NKAIN3: variants seen among roughly 807,000 people sequenced by gnomAD.
NKAIN3 encodes sodium/potassium transporting ATPase interacting 3.
A neutral mutation model predicts 30.2 loss-of-function variants in NKAIN3; 25 were observed. The ratio of observed to expected loss-of-function variants is 0.83; its 90% CI spans 0.60 to 1.16. The LOEUF (loss-of-function observed/expected upper bound fraction) is 1.16, where lower values mean the gene tolerates loss of function less well. Among genes scored for constraint, NKAIN3 ranks in the 50% most tolerant of loss-of-function variants. NKAIN3 has a pLI of 0.00. For missense variants in NKAIN3, 225 were observed against 254.1 expected (o/e 0.89, Z 0.78); for synonymous variants, 91 against 89.6 (o/e 1.02, Z -0.09).
At chr8:62,667,028 G>A (rs1813125506) in intron 3 of NKAIN3, among the ~76,000 whole-genome samples, 1 of 151,336 alleles carries the variant, frequency 6.6e-6, no homozygotes, top group Non-Finnish European at 1.5e-5. Flanking sequence ...AGTAAGTAAA[G>A]AATAAAGTAT....
At chr8:62,627,812 G>T (rs764575954) in intron 3 of NKAIN3, among the ~76,000 whole-genome samples, 1 of 152,082 alleles carries the variant, frequency 6.6e-6, no homozygotes, top group Non-Finnish European at 1.5e-5. Context: ...AGGCAGCAGG[G>T]TACTGGAGAC....
At chr8:62,825,207 CT>C (rs1215787117) in intron 4 of NKAIN3, among the ~76,000 whole-genome samples, 1 of 152,158 alleles carries the variant, frequency 6.6e-6, no homozygotes, top group East Asian at 1.9e-4. Flanking sequence ...AGAAAGTAGA[CT>C]TTTTTCACCA....
rs546006775 is a variant in NKAIN3 at position 62,429,986 on chromosome 8, C to G, written c.55-149553C>G. ...AAACTGAAACAGTATACCCATTGAA[C>G]ATTAACTTTCCATTCTCCCAACCTT... On this transcript the variant is annotated intron_variant, in intron 1 of 6. Coordinates refer to ENST00000623646, the MANE Select transcript of NKAIN3 (RefSeq NM_001304533.3). Among the ~76,000 whole-genome samples, 234 of 151,948 alleles carry G rather than the reference C, an allele frequency of 1.5e-3. 1 individual carries two copies. Among genetic ancestry groups the G allele is most frequent in the African/African-American group, 5.4e-3 (223 of 41,526 alleles).
chr8:62,270,817 G>A (rs1324940520), intron 1 of NKAIN3, among the ~76,000 whole-genome samples: 1 of 152,142 alleles, frequency 6.6e-6, no homozygotes, highest in East Asian at 1.9e-4. Context: ...TGTGGCATTT[G>A]CGTTTCTGTG....
intron 3 of NKAIN3, among the ~76,000 whole-genome samples, chr8:62,673,309 TTTA>T (rs1441278664): frequency 6.6e-6 from 1 of 152,246 alleles, no homozygotes; most frequent in Non-Finnish European, 1.5e-5. Context: ...ATTAATTTAG[TTTA>T]TTTTTTCTAT....
intron 4 of NKAIN3, among the ~76,000 whole-genome samples, chr8:62,757,656 G>A (rs1322301097): frequency 3.9e-5 from 6 of 152,162 alleles, no homozygotes; most frequent in South Asian, 2.1e-4. Context: ...CATCTAAGGC[G>A]TTCACTCTTG....
chr8:62,889,478 G>T (rs1032548191), intron 4 of NKAIN3, among the ~76,000 whole-genome samples: 1 of 152,292 alleles, frequency 6.6e-6, no homozygotes, highest in East Asian at 1.9e-4. Context: ...TTGCTGATAA[G>T]CTCAGGATGA....
chr8:62,650,517 G>T (rs1003367535), intron 3 of NKAIN3, among the ~76,000 whole-genome samples: 2 of 152,140 alleles, frequency 1.3e-5, no homozygotes, highest in Admixed American at 6.6e-5. Context: ...AGTTGTGTAT[G>T]CTTCTGTGTT....
Position 62,966,413 on chromosome 8 carries a change from A to G in NKAIN3, c.*1006A>G, listed in dbSNP as rs900670603. Reference sequence around the variant, plus strand: ...GAAAAAAGGACTGTCTTGAAAACGCATCACAGTTGTATTTTTTTAACTGGC... The same window carrying G: ...GAAAAAAGGACTGTCTTGAAAACGCGTCACAGTTGTATTTTTTTAACTGGC... On this transcript the variant is annotated 3_prime_UTR_variant, in exon 7 of 7. Transcript: ENST00000623646. 3.1e-6 allele frequency: 3 copies of G among 982,942 alleles called. No individual in the cohort carries two copies. The highest frequency in any genetic ancestry group is 3.5e-5 in the African/African-American group (2 of 57,222). The allele number at this position is 982,942 out of a possible 1,614,324, so 60.9% of individuals were successfully genotyped here.
intron 1 of NKAIN3, among the ~76,000 whole-genome samples, chr8:62,367,303 A>G (rs561533441): frequency 3.3e-5 from 5 of 152,316 alleles, no homozygotes; most frequent in African/African-American, 1.2e-4. Flanking sequence ...TGATGAACAT[A>G]GATGCAAAAA....
chr8:62,958,151 A>C (rs907204517), intron 6 of NKAIN3, among the ~76,000 whole-genome samples: 3 of 151,998 alleles, frequency 2.0e-5, no homozygotes, highest in South Asian at 2.1e-4. Flanking sequence ...CCCTAATCTC[A>C]TGTTTGCCAT....
intron 1 of NKAIN3, among the ~76,000 whole-genome samples, chr8:62,505,895 G>A (rs1467312973): frequency 6.6e-6 from 1 of 151,860 alleles, no homozygotes; most frequent in Admixed American, 6.6e-5. Flanking sequence ...ACTCTGGCAG[G>A]GCTGGATTCT....
intron 3 of NKAIN3, among the ~76,000 whole-genome samples, chr8:62,743,352 T>A (rs1012547905): frequency 6.6e-6 from 1 of 152,178 alleles, no homozygotes; most frequent in Non-Finnish European, 1.5e-5. Context: ...AAACTTTAGA[T>A]AAAATGTTAC....
At chr8:62,484,147 T>A (rs1806826024) in intron 1 of NKAIN3, among the ~76,000 whole-genome samples, 1 of 152,340 alleles carries the variant, frequency 6.6e-6, no homozygotes, top group East Asian at 1.9e-4. Flanking sequence ...GTGGCATTCA[T>A]GGCCCTCTCT....
At chr8:62,477,281 C>T (rs1806550371) in intron 1 of NKAIN3, among the ~76,000 whole-genome samples, 2 of 152,052 alleles carry the variant, frequency 1.3e-5, no homozygotes, top group Non-Finnish European at 2.9e-5. Flanking sequence ...CACACACAAA[C>T]GCATGTTTTT....
At chr8:62,886,352 T>TA (rs1376849673) in intron 4 of NKAIN3, among the ~76,000 whole-genome samples, 4 of 152,026 alleles carry the variant, frequency 2.6e-5, no homozygotes, top group African/African-American at 9.7e-5. Context: ...TATGTAAACA[T>TA]ATATAATCAA....
chr8:62,800,792 G>C (rs571753464), intron 4 of NKAIN3, among the ~76,000 whole-genome samples: 2 of 151,116 alleles, frequency 1.3e-5, no homozygotes, highest in Admixed American at 6.6e-5. Flanking sequence ...TGCACCATGC[G>C]CAAGCTGAAG....
intron 5 of NKAIN3, among the ~76,000 whole-genome samples, chr8:62,935,594 A>G (rs1822759614): frequency 6.6e-6 from 1 of 152,152 alleles, no homozygotes; most frequent in Admixed American, 6.5e-5. Flanking sequence ...TCTTTCCAGA[A>G]TTTTGTTAAC....
chr8:62,644,083 GCT>G (rs1563497390), intron 3 of NKAIN3, among the ~76,000 whole-genome samples: 1 of 151,986 alleles, frequency 6.6e-6, no homozygotes. Context: ...TATTCTCCCA[GCT>G]TACTCTTTAT....
Sources: gnomAD v4.1 joint callset for allele counts (sites outside exome capture counted in the v4.1 genomes callset) on GRCh38, gnomAD v4.1.1 for gene constraint, MANE v1.5 for transcripts, NCBI Gene and HGNC (gene_info 2026-07-23, HGNC 2026-07-21) for gene names.